Variants in SEC31B observed in about 807,000 individuals in gnomAD.
SEC31B encodes the protein SEC31 homolog B, COPII component, also known as protein transport protein Sec31B.
SEC31B carries 113 observed loss-of-function variants against 135.0 expected under a neutral mutation model. The ratio of observed to expected loss-of-function variants is 0.84; its 90% CI spans 0.72 to 0.98. The LOEUF is 0.98. Among genes scored for constraint, SEC31B ranks in the 50% least tolerant of loss-of-function variants. The pLI, the probability that SEC31B is intolerant of heterozygous loss-of-function variation, is 0.00. For synonymous variants in SEC31B, 508 were observed against 549.4 expected (o/e 0.92, Z 1.05); for missense variants, 1,296 against 1,421.1 (o/e 0.91, Z 1.42).
chr10:100,518,221 C>T (rs1851884447), intron 1 of SEC31B, among the ~76,000 whole-genome samples: 1 of 152,214 alleles, frequency 6.6e-6, no homozygotes, highest in Admixed American at 6.5e-5. Flanking sequence ...TCTTTTAATA[C>T]TTTTCTCATT....
chr10:100,516,783 T>C (rs1851858439), intron 2 of SEC31B, 91 bp downstream of exon 2: 4 of 994,686 alleles, frequency 4.0e-6, no homozygotes, highest in Middle Eastern at 2.2e-4. Context: ...ATCTGAGAGC[T>C]TTCTCTGATG....
Position 100,497,710 on chromosome 10 carries a change from C to A in SEC31B, c.1947G>T (p.Leu649Phe), listed in dbSNP as rs1200753386. The A allele has an allele frequency of 6.2e-7, 1 of 1,614,238 alleles. No homozygotes were observed. Among genetic ancestry groups the A allele is most frequent in the Non-Finnish European group, 8.5e-7 (1 of 1,180,040 alleles). The part of the protein sequence containing the change: ...SLKNWREALA[L>F]LLTYSGTEKF... The stretch of plus-strand genomic sequence containing the variant: ...TCTCTGTGCCTGAGTATGTCAGTAG[C>A]AAAGCCAGTGCCTCTCTCCAGTTCT... Residue 649 changes from leucine (L) to phenylalanine (F), a missense_variant, in exon 16 of 26, where the codon TTG becomes TTT. Coordinates refer to ENST00000370345, the MANE Select transcript of SEC31B (RefSeq NM_015490.4).
rs1318490164 is a variant in SEC31B, at chr10:100,507,894, C to A, written c.639+14G>T. ...GCCAGAGCCCAAGCCTGTGTTCTGGCCTCCAATACTCACCCTGTTGCTGTG... is the reference window on the plus strand; with the variant it reads ...GCCAGAGCCCAAGCCTGTGTTCTGGACTCCAATACTCACCCTGTTGCTGTG... On this transcript the variant is annotated intron_variant, in intron 6 of 25. Coordinates refer to ENST00000370345, the MANE Select transcript of SEC31B (RefSeq NM_015490.4). 6.2e-7 allele frequency: 1 copy of A among 1,614,166 alleles called. No homozygotes were observed.
chr10:100,500,778 C>G (rs1851506882), intron 11 of SEC31B, among the ~76,000 whole-genome samples: 1 of 152,224 alleles, frequency 6.6e-6, no homozygotes. Flanking sequence ...TTATTCCACA[C>G]TGAAACATGA....
chr10:100,519,103 G>C (rs1851900825), intron 1 of SEC31B, among the ~76,000 whole-genome samples: 1 of 152,148 alleles, frequency 6.6e-6, no homozygotes, highest in African/African-American at 2.4e-5. Flanking sequence ...AACTGGCTAG[G>C]CCGGGATGTG....
intron 11 of SEC31B, among the ~76,000 whole-genome samples, chr10:100,500,392 G>A (rs1851498726): frequency 6.6e-6 from 1 of 151,714 alleles, no homozygotes; most frequent in African/African-American, 2.4e-5. Context: ...TCGGCTCACT[G>A]CAACCTCCAC....
chr10:100,508,901 G>T, intron 5 of SEC31B, 106 bp downstream of exon 5: 1 of 853,776 alleles, frequency 1.2e-6, no homozygotes, highest in South Asian at 1.6e-5. Flanking sequence ...CCCTCCAGTG[G>T]TAAAGTTTGA....
chr10:100,488,929 G>A lies in SEC31B; in HGVS notation c.3217C>T (p.Pro1073Ser), dbSNP rs752517956. Residue 1073 changes from proline to serine, a missense_variant, in exon 24 of 26, where the codon CCA becomes TCA. Transcript: ENST00000370345. ...PEKMERKELP[P>S]EHQSLKSSFE... ...CTGCTCTTCAAGGACTGATGCTCTGGGGGCAGCTCCTTCCTTTCCATCTTC... is the reference window on the plus strand; with the variant it reads ...CTGCTCTTCAAGGACTGATGCTCTGAGGGCAGCTCCTTCCTTTCCATCTTC... 2 of 1,611,636 alleles carry A rather than the reference G, an allele frequency of 1.2e-6. No individual in the cohort carries two copies. The highest frequency in any genetic ancestry group is 1.7e-5 in the Admixed American group (1 of 59,296).
Position 100,488,942 on chromosome 10 carries a change from C to T in SEC31B, c.3204G>A (p.Arg1068=), listed in dbSNP as rs1851244350. Residue 1068 remains arginine (R), a synonymous_variant, in exon 24 of 26, where the codon AGG becomes AGA. Coordinates refer to ENST00000370345, the MANE Select transcript of SEC31B (RefSeq NM_015490.4). ...ACTGATGCTCTGGGGGCAGCTCCTT[C>T]CTTTCCATCTTCTCAGGTGGCAGGT... ...LQHLPPEKME[R]KELPPEHQSL... is the part of the protein sequence containing the mutation. 1 of 1,611,262 alleles carries T rather than the reference C, an allele frequency of 6.2e-7. No individual in the cohort carries two copies. Among genetic ancestry groups the T allele is most frequent in the South Asian group, 1.1e-5 (1 of 90,664 alleles).
intron 2 of SEC31B, among the ~76,000 whole-genome samples, 198 bp downstream of exon 2, chr10:100,516,676 C>G (rs887031166): frequency 6.9e-6 from 1 of 144,312 alleles, no homozygotes; most frequent in Non-Finnish European, 1.5e-5. Context: ...AAAAAAAAGA[C>G]GTACCTAACC....
At position 100,487,543 on chromosome 10, in the gene SEC31B, A is replaced by G; in HGVS notation, c.*73T>C. 1 of 1,345,576 alleles carries G rather than the reference A, an allele frequency of 7.4e-7. No individual in the cohort carries two copies. The highest frequency in any genetic ancestry group is 1.3e-5 in the South Asian group (1 of 78,588). The allele number at this position is 1,345,576 out of a possible 1,614,324, so 83.4% of individuals were successfully genotyped here. ...GGGAAAAAGAAACAGAATCTGTTGC[A>G]GAAGTCCCCTCTTCTGCAGGGAGGA... On this transcript the variant is annotated 3_prime_UTR_variant, in exon 26 of 26. Transcript: ENST00000370345.
rs1226181000 is a variant in SEC31B at position 100,517,193 on chromosome 10, A to G, written c.-45-196T>C. 3.3e-5 allele frequency: 18 copies of G among 550,008 alleles called. No individual in the cohort carries two copies. The Admixed American group carries it at 5.7e-4, about 17-fold the overall frequency. 34.1% of individuals were successfully genotyped at this position (550,008 alleles called of 1,614,324 possible). On this transcript the variant is annotated intron_variant, in intron 1 of 25. Coordinates refer to ENST00000370345, the MANE Select transcript of SEC31B (RefSeq NM_015490.4). ...TGTAATGCTTTAAACCTCAAATGATACTCAACCACAATGGCTACCACAGGT... is the reference window on the plus strand; with the variant it reads ...TGTAATGCTTTAAACCTCAAATGATGCTCAACCACAATGGCTACCACAGGT...
Position 100,517,168 on chromosome 10 carries a change from T to A in SEC31B, c.-45-171A>T, listed in dbSNP as rs893296282. The A allele has an allele frequency of 5.2e-6, 3 of 573,884 alleles. No homozygotes were observed. In the African/African-American group the frequency reaches 5.7e-5, roughly 11 times the overall value. The allele number at this position is 573,884 out of a possible 1,614,324, so 35.5% of individuals were successfully genotyped here. A position where few individuals can be genotyped will look rare whatever the true frequency, so the allele number is the denominator to read the frequency against. On this transcript the variant is annotated intron_variant, in intron 1 of 25. Coordinates refer to ENST00000370345, the MANE Select transcript of SEC31B (RefSeq NM_015490.4). ...TAGTTCATTCACCCAATTACTGAAA[T>A]GTAATGCTTTAAACCTCAAATGATA...
Position 100,499,460 on chromosome 10 carries a change from A to C in SEC31B, c.1485+64T>G, listed in dbSNP as rs142492076. ...AGGAAGAGGTATTCTGAGGTGGTTT[A>C]CTCTGGCAACATTCTCTTCTTCTCT... On this transcript the variant is annotated intron_variant, in intron 12 of 25. Coordinates refer to ENST00000370345, the MANE Select transcript of SEC31B (RefSeq NM_015490.4). The C allele has an allele frequency of 1.8e-3, 2,442 of 1,368,520 alleles. 1 individual carries two copies. The highest frequency in any genetic ancestry group is 2.4e-3 in the Non-Finnish European group (2,298 of 970,626). The allele number at this position is 1,368,520 out of a possible 1,614,324, so 84.8% of individuals were successfully genotyped here.
In SEC31B at chr10:100,487,163, A is replaced by C. The variant is rs1251547556; in HGVS notation, c.*453T>G. 6 of 180,606 alleles carry C rather than the reference A, an allele frequency of 3.3e-5. No homozygotes were observed. In the East Asian group the frequency reaches 1.0e-3, roughly 31 times the overall value. 11.2% of individuals were successfully genotyped at this position (180,606 alleles called of 1,614,324 possible). A position where few individuals can be genotyped will look rare whatever the true frequency, so the allele number is the denominator to read the frequency against. On this transcript the variant is annotated 3_prime_UTR_variant, in exon 26 of 26. Coordinates refer to ENST00000370345, the MANE Select transcript of SEC31B (RefSeq NM_015490.4). ...GGCTACAGAGAAATACGGACCTGGAAATACCAAGTCAGAGGCAGGGAAAAG... is the reference window on the plus strand; with the variant it reads ...GGCTACAGAGAAATACGGACCTGGACATACCAAGTCAGAGGCAGGGAAAAG...
At chr10:100,502,936 C>T (rs1851550616) in intron 10 of SEC31B, among the ~76,000 whole-genome samples, 1 of 152,190 alleles carries the variant, frequency 6.6e-6, no homozygotes, top group East Asian at 1.9e-4. Flanking sequence ...TCTTTTCCCT[C>T]CTCTAATTAA....
At chr10:100,516,053 G>A (rs765602885) in intron 3 of SEC31B, 43 bp downstream of exon 3, 14 of 1,599,254 alleles carry the variant, frequency 8.8e-6, no homozygotes, top group South Asian at 3.4e-5. Context: ...AGGATTCCAC[G>A]TCAGTATCTA....
intron 24 of SEC31B, among the ~76,000 whole-genome samples, chr10:100,488,449 A>C (rs1259471719): frequency 3.5e-5 from 4 of 114,454 alleles, no homozygotes; most frequent in South Asian, 2.9e-4. Context: ...ACAAAGCGAG[A>C]CTCCATCTCA....
chr10:100,497,705 A>C lies in SEC31B; in HGVS notation c.1952T>G (p.Leu651Arg), dbSNP rs1421832763. Residue 651 changes from leucine (L) to arginine (R), a missense_variant, in exon 16 of 26, where the codon CTG becomes CGG. Physicochemically the swap from Leu to Arg is moderately radical, Grantham distance 102. Transcript: ENST00000370345. ...KNWREALALL[L>R]TYSGTEKFPE... Reference sequence around the variant, plus strand: ...AAATTTCTCTGTGCCTGAGTATGTCAGTAGCAAAGCCAGTGCCTCTCTCCA... The same window carrying C: ...AAATTTCTCTGTGCCTGAGTATGTCCGTAGCAAAGCCAGTGCCTCTCTCCA... 3 of 1,614,102 alleles carry C rather than the reference A, an allele frequency of 1.9e-6. No homozygotes were observed. Among genetic ancestry groups the C allele is most frequent in the Non-Finnish European group, 2.5e-6 (3 of 1,180,054 alleles).
Sources: allele counts gnomAD v4.1 joint callset (sites outside exome capture counted in the v4.1 genomes callset), GRCh38; gene constraint gnomAD v4.1.1; transcripts MANE v1.5; gene names NCBI Gene and HGNC (gene_info 2026-07-23, HGNC 2026-07-21).